SEZ6L: variants seen among roughly 807,000 people sequenced by gnomAD.
The protein encoded by SEZ6L is seizure 6-like protein.
Under a neutral mutation model 106.2 loss-of-function variants are expected in SEZ6L, and 37 were observed. The ratio of observed to expected loss-of-function variants is 0.35; its 90% CI spans 0.27 to 0.46. The LOEUF (loss-of-function observed/expected upper bound fraction) is 0.46, where lower values mean the gene tolerates loss of function less well. SEZ6L is among the 20% of genes least tolerant of loss of function. The pLI is 1.00. For missense variants in SEZ6L, 1,172 were observed against 1,332.8 expected, an observed-to-expected ratio of 0.88 and a Z score of 1.88; for synonymous variants, 541 against 570.4, an observed-to-expected ratio of 0.95 and a Z score of 0.73.
intron 1 of SEZ6L, among the ~76,000 whole-genome samples, chr22:26,196,153 T>G (rs147742089): frequency 3.3e-5 from 5 of 152,218 alleles, no homozygotes; most frequent in Non-Finnish European, 7.4e-5. Flanking sequence ...TGATAGTGAG[T>G]GAGTTCTCAT....
At chr22:26,271,311 G>T (rs1363505949) in intron 1 of SEZ6L, among the ~76,000 whole-genome samples, 1 of 152,180 alleles carries the variant, frequency 6.6e-6, no homozygotes, top group Non-Finnish European at 1.5e-5. Flanking sequence ...CTAAGTCTTT[G>T]TTAGTATCTA....
intron 8 of SEZ6L, 32 bp from the exon 9 acceptor site, chr22:26,313,732 A>G: frequency 6.3e-7 from 1 of 1,592,608 alleles, no homozygotes; most frequent in African/African-American, 1.3e-5. Context: ...TTACAAATAA[A>G]GTCCGTCTTC....
At chr22:26,316,902 GAAGA>G (rs71322610) in intron 9 of SEZ6L, among the ~76,000 whole-genome samples, 42 of 126,722 alleles carry the variant, frequency 3.3e-4, no homozygotes, top group Middle Eastern at 7.7e-3. Flanking sequence ...GAGAAAGAAA[GAAGA>G]AAGAAAGAAA....
Position 26,297,028 on chromosome 22 carries a change from C to T in SEZ6L, c.1110C>T (p.Tyr370=), listed in dbSNP as rs779896471. ...GCCCCACCAACACCATCTCCGTCTA[C>T]TTCCGGACCTTCCAGGACGACGGCC... The part of the protein sequence containing the change: ...IRSPTNTISV[Y]FRTFQDDGLG... The change falls in exon 4 of 17, where the codon TAC becomes TAT. Residue 370 remains tyrosine, a synonymous_variant. Coordinates refer to ENST00000248933, the MANE Select transcript of SEZ6L (RefSeq NM_021115.5). 6 of 1,613,984 alleles carry T rather than the reference C, an allele frequency of 3.7e-6. No individual in the cohort carries two copies. The highest frequency in any genetic ancestry group is 2.2e-5 in the East Asian group (1 of 44,880).
chr22:26,192,972 A>G (rs1940335122), intron 1 of SEZ6L, among the ~76,000 whole-genome samples: 1 of 152,180 alleles, frequency 6.6e-6, no homozygotes, highest in Non-Finnish European at 1.5e-5. Context: ...TGCGGGGTGA[A>G]GATAAGGATG....
In SEZ6L at chr22:26,296,984, G is replaced by A. The variant is rs1230881914; in HGVS notation, c.1066G>A (p.Glu356Lys). The A allele has an allele frequency of 6.2e-7, 1 of 1,614,138 alleles. No individual in the cohort carries two copies. Among genetic ancestry groups the A allele is most frequent in the Non-Finnish European group, 8.5e-7 (1 of 1,180,000 alleles). The change falls in exon 4 of 17, where the codon GAG becomes AAG. Residue 356 changes from glutamate to lysine, a missense_variant. Physicochemically the swap from Glu to Lys is moderately conservative, Grantham distance 56. Transcript: ENST00000248933. ...TVLANQTLLV[E>K]GQVIRSPTNT... ...CCTGGCCAACCAGACACTCCTGGTG[G>A]AGGGGCAGGTAATCCGAAGCCCCAC...
chr22:26,256,753 C>G lies in SEZ6L; in HGVS notation c.95-35653C>G, dbSNP rs367746485. ...CAAAATCTCAGACCCTTCCGCAGAC[C>G]CACTGGGTCAGAAACTCTGGGGGTA... On this transcript the variant is annotated intron_variant, in intron 1 of 16. Coordinates refer to ENST00000248933, the MANE Select transcript of SEZ6L (RefSeq NM_021115.5). 3.3e-5 allele frequency among the ~76,000 whole-genome samples: 5 copies of G among 152,298 alleles called. No homozygotes were observed. The East Asian group carries it at 9.7e-4, about 29-fold the overall frequency.
chr22:26,239,649 C>A (rs2079053739), intron 1 of SEZ6L, among the ~76,000 whole-genome samples: 1 of 152,168 alleles, frequency 6.6e-6, no homozygotes, highest in Admixed American at 6.5e-5. Flanking sequence ...ATCCTTCTAA[C>A]TCCACCTGCT....
rs1002474853 is a variant in SEZ6L at position 26,221,177 on chromosome 22, CT to C, written c.94+51415del. 2.4e-4 allele frequency among the ~76,000 whole-genome samples: 36 copies of C among 152,230 alleles called. 1 individual carries two copies. Among genetic ancestry groups the C allele is most frequent in the African/African-American group, 8.4e-4 (35 of 41,526 alleles). On this transcript the variant is annotated intron_variant, in intron 1 of 16. Transcript: ENST00000248933. ...TTCTTTTGCCTGCTTAGCTTACCCC[CT>C]GGCCTTATTCACCTGACCTTCCCTT...
At chr22:26,348,684 A>AAGAAAGAAAG (rs1569473784) in intron 11 of SEZ6L, among the ~76,000 whole-genome samples, 1 of 81,252 alleles carries the variant, frequency 1.2e-5, no homozygotes, top group Non-Finnish European at 2.4e-5. Flanking sequence ...GAAAGAAAGA[A>AAGAAAGAAAG]AGAAAGAAAG....
At chr22:26,252,669 G>A (rs573845132) in intron 1 of SEZ6L, among the ~76,000 whole-genome samples, 1 of 152,358 alleles carries the variant, frequency 6.6e-6, no homozygotes, top group South Asian at 2.1e-4. Flanking sequence ...AGAACATGCA[G>A]TATTTGGCTT....
rs1170051895 is a variant in SEZ6L, at chr22:26,349,167, A to T, written c.2407+1254A>T. ...CATTTCCATGCTGGGTCTCTCACTT[A>T]TCCTCCATCCAAGACAGTGGAGACC... is the stretch of plus-strand genomic sequence containing the variant. On this transcript the variant is annotated intron_variant, in intron 11 of 16. Coordinates refer to ENST00000248933, the MANE Select transcript of SEZ6L (RefSeq NM_021115.5). Among the ~76,000 whole-genome samples, 3 of 152,082 alleles carry T rather than the reference A, an allele frequency of 2.0e-5. No homozygotes were observed. In the East Asian group the frequency reaches 5.8e-4, roughly 29 times the overall value.
chr22:26,194,306 A>G lies in SEZ6L; in HGVS notation c.94+24543A>G, dbSNP rs138161455. ...TCTGTTGTTCTTTTTGGCCTTTACA[A>G]AAGCAAACGTTATTTGCAGTGGGAT... On this transcript the variant is annotated intron_variant, in intron 1 of 16. Coordinates refer to ENST00000248933, the MANE Select transcript of SEZ6L (RefSeq NM_021115.5). 7.4e-4 allele frequency among the ~76,000 whole-genome samples: 112 copies of G among 152,312 alleles called. 3 individuals are homozygous for G. In the East Asian group the frequency reaches 0.018, roughly 24 times the overall value.
At position 26,380,609 on chromosome 22, in the gene SEZ6L, G is replaced by T; in HGVS notation, c.*314G>T. On this transcript the variant is annotated 3_prime_UTR_variant, in exon 17 of 17. Transcript: ENST00000248933. ...ACAGCAGATGGAGTTTCTCCCATCA[G>T]CAATGCCATGCTAAGGCTGCATTGA... 6.5e-6 allele frequency: 2 copies of T among 305,526 alleles called. No individual in the cohort carries two copies. Among genetic ancestry groups the T allele is most frequent in the East Asian group, 5.7e-5 (1 of 17,402 alleles). The allele number at this position is 305,526 out of a possible 1,614,324, so 18.9% of individuals were successfully genotyped here. A position where few individuals can be genotyped will look rare whatever the true frequency, so the allele number is the denominator to read the frequency against.
chr22:26,358,803 T>TTGTC (rs1224880418), intron 12 of SEZ6L, among the ~76,000 whole-genome samples: 3 of 152,106 alleles, frequency 2.0e-5, no homozygotes, highest in African/African-American at 7.2e-5. Flanking sequence ...AAATTATGAG[T>TTGTC]TGTCACAACT....
chr22:26,197,077 T>G (rs938147542), intron 1 of SEZ6L, among the ~76,000 whole-genome samples: 2 of 152,234 alleles, frequency 1.3e-5, no homozygotes, highest in Non-Finnish European at 2.9e-5. Context: ...CTACACCCAC[T>G]TCCATACAGA....
intron 5 of SEZ6L, among the ~76,000 whole-genome samples, chr22:26,305,731 T>C (rs1379822425): frequency 6.6e-6 from 1 of 152,224 alleles, no homozygotes; most frequent in African/African-American, 2.4e-5. Context: ...GTTCCAATTG[T>C]AGGGTGAAAT....
At chr22:26,301,585 C>T (rs964090979) in intron 5 of SEZ6L, among the ~76,000 whole-genome samples, 1 of 152,164 alleles carries the variant, frequency 6.6e-6, no homozygotes, top group Non-Finnish European at 1.5e-5. Flanking sequence ...AGAGGCGTTG[C>T]AATGCAGAAA....
chr22:26,342,380 C>A (rs1463547705), intron 10 of SEZ6L, among the ~76,000 whole-genome samples: 1 of 152,136 alleles, frequency 6.6e-6, no homozygotes, highest in African/African-American at 2.4e-5. Context: ...GTTCTTTCTC[C>A]CCGTTCACTT....
Sources: gnomAD v4.1 joint callset for allele counts (sites outside exome capture counted in the v4.1 genomes callset) on GRCh38, gnomAD v4.1.1 for gene constraint, MANE v1.5 for transcripts, NCBI Gene and HGNC (gene_info 2026-07-23, HGNC 2026-07-21) for gene names.